TNS3: variants seen among roughly 807,000 people sequenced by gnomAD.
The protein encoded by TNS3 is tensin-3.
A neutral mutation model predicts 140.9 loss-of-function variants in TNS3; 45 were observed. The observed-to-expected ratio is 0.32, with a 90% CI of 0.25 to 0.41. The LOEUF is 0.41. Among genes scored for constraint, TNS3 ranks in the 10% least tolerant of loss-of-function variants. TNS3 has a pLI of 1.00. For synonymous variants in TNS3, 815 were observed against 788.4 expected, an observed-to-expected ratio of 1.03 and a Z score of -0.56; for missense variants, 1,716 against 1,906.7, an observed-to-expected ratio of 0.90 and a Z score of 1.86.
At chr7:47,428,657 A>T (rs1308921015) in intron 8 of TNS3, among the ~76,000 whole-genome samples, 1 of 152,204 alleles carries the variant, frequency 6.6e-6, no homozygotes. Flanking sequence ...GCTGCCTGTC[A>T]TTTTACCCAA....
chr7:47,486,017 A>AGT (rs1360925185), intron 3 of TNS3, among the ~76,000 whole-genome samples: 1 of 140,920 alleles, frequency 7.1e-6, no homozygotes, highest in Non-Finnish European at 1.6e-5. Flanking sequence ...TGTGGAGGTG[A>AGT]GTGTGTGTGG....
intron 11 of TNS3, among the ~76,000 whole-genome samples, chr7:47,414,628 GC>G (rs934380190): frequency 6.6e-6 from 1 of 152,212 alleles, no homozygotes; most frequent in African/African-American, 2.4e-5. Flanking sequence ...AGGGCTCAGG[GC>G]CCTCACCCTC....
chr7:47,396,982 G>T, intron 15 of TNS3, 78 bp from the exon 16 acceptor site: 2 of 1,059,840 alleles, frequency 1.9e-6, no homozygotes. Context: ...CATAAGGACA[G>T]GTGAGCAGCC....
chr7:47,346,023 G>C (rs1216142571), intron 18 of TNS3, among the ~76,000 whole-genome samples, 164 bp downstream of exon 18: 1 of 152,228 alleles, frequency 6.6e-6, no homozygotes, highest in Non-Finnish European at 1.5e-5. Flanking sequence ...CAGGTACAGA[G>C]GAGCCACGAC....
chr7:47,400,540 C>G, intron 14 of TNS3, 82 bp from the exon 15 acceptor site: 1 of 1,427,310 alleles, frequency 7.0e-7, no homozygotes, highest in Non-Finnish European at 9.8e-7. Flanking sequence ...TTTATTCCAA[C>G]CAGTACAGCA....
chr7:47,449,291 C>CG (rs1198560424), intron 4 of TNS3, among the ~76,000 whole-genome samples: 8 of 152,190 alleles, frequency 5.3e-5, no homozygotes, highest in Non-Finnish European at 1.2e-4. Flanking sequence ...CCTTCACTGA[C>CG]GTCCCATTGC....
In TNS3 at chr7:47,276,212, C is replaced by T. The variant is rs910278651; in HGVS notation, c.*1864G>A. ...GCAAGTTAGAGAAGGAGGTCCACAA[C>T]GACCAAGGCAAACATTTGGCACAGA... On this transcript the variant is annotated 3_prime_UTR_variant, in exon 31 of 31. Coordinates refer to ENST00000311160, the MANE Select transcript of TNS3 (RefSeq NM_022748.12). The T allele has an allele frequency of 1.4e-4, 27 of 198,164 alleles. No homozygotes were observed. The highest frequency in any genetic ancestry group is 1.9e-4 in the South Asian group (2 of 10,522). 12.3% of individuals were successfully genotyped at this position (198,164 alleles called of 1,614,324 possible).
chr7:47,460,915 G>C (rs931793070), intron 4 of TNS3, among the ~76,000 whole-genome samples: 1 of 152,218 alleles, frequency 6.6e-6, no homozygotes, highest in Non-Finnish European at 1.5e-5. Flanking sequence ...AGGAGGATGT[G>C]CTCTAAACCA....
At chr7:47,283,963 T>A (rs1364800824) in intron 27 of TNS3, 98 bp from the exon 28 acceptor site, 4 of 1,214,736 alleles carry the variant, frequency 3.3e-6, no homozygotes, top group Admixed American at 5.3e-5. Flanking sequence ...ACTGGGTTTA[T>A]GAACAACTTG....
intron 16 of TNS3, among the ~76,000 whole-genome samples, chr7:47,374,193 GGC>G (rs1260779697): frequency 2.0e-5 from 3 of 152,200 alleles, no homozygotes; most frequent in African/African-American, 7.2e-5. Context: ...AGGAAGCATG[GGC>G]CAGAGATCCA....
intron 2 of TNS3, among the ~76,000 whole-genome samples, chr7:47,515,767 G>A (rs917993393): frequency 5.3e-5 from 8 of 151,918 alleles, no homozygotes; most frequent in African/African-American, 1.7e-4. Flanking sequence ...ATCATTATCG[G>A]CATACCATTG....
intron 3 of TNS3, among the ~76,000 whole-genome samples, chr7:47,503,311 T>C (rs930991897): frequency 1.3e-5 from 2 of 152,098 alleles, no homozygotes. Flanking sequence ...TGCCTCCATC[T>C]GCTTGCCTAA....
intron 16 of TNS3, among the ~76,000 whole-genome samples, chr7:47,373,047 T>C (rs900827093): frequency 1.3e-5 from 2 of 152,136 alleles, no homozygotes; most frequent in Admixed American, 1.3e-4. Flanking sequence ...TCCGTGGTCT[T>C]CAGTGGGGGC....
chr7:47,481,024 A>C, intron 4 of TNS3, 79 bp downstream of exon 4: 1 of 1,177,126 alleles, frequency 8.5e-7, no homozygotes, highest in African/African-American at 1.6e-5. Context: ...AAAGATCCCC[A>C]AAGAGGGAGC....
chr7:47,524,807 TCAAGAAAAAAA>T (rs1201735148), intron 2 of TNS3, among the ~76,000 whole-genome samples: 1 of 18,252 alleles, frequency 5.5e-5, no homozygotes, highest in Non-Finnish European at 7.4e-5. Flanking sequence ...AGACTCCGTC[TCAAGAAAAAAA>T]AAAAAAAAAA....
chr7:47,306,147 T>G (rs1391947675), intron 20 of TNS3, among the ~76,000 whole-genome samples: 1 of 152,170 alleles, frequency 6.6e-6, no homozygotes, highest in Admixed American at 6.5e-5. Flanking sequence ...AAGAATACTC[T>G]GAAAGGAATT....
intron 4 of TNS3, among the ~76,000 whole-genome samples, chr7:47,472,951 C>G (rs564169097): frequency 6.6e-6 from 1 of 152,182 alleles, no homozygotes; most frequent in Non-Finnish European, 1.5e-5. Flanking sequence ...GAGAAACAGA[C>G]GGACTTACAG....
intron 20 of TNS3, among the ~76,000 whole-genome samples, chr7:47,335,078 T>C (rs1245898174): frequency 6.6e-6 from 1 of 152,242 alleles, no homozygotes; most frequent in Non-Finnish European, 1.5e-5. Flanking sequence ...CGACTCCCAT[T>C]GTTACATTTT....
At chr7:47,441,001 C>T (rs1795440018) in intron 5 of TNS3, among the ~76,000 whole-genome samples, 1 of 152,146 alleles carries the variant, frequency 6.6e-6, no homozygotes, top group Non-Finnish European at 1.5e-5. Context: ...ATCTCCTCCA[C>T]CACTTTGATT....
Sources: allele counts gnomAD v4.1 joint callset (sites outside exome capture counted in the v4.1 genomes callset), GRCh38; gene constraint gnomAD v4.1.1; transcripts MANE v1.5; gene names NCBI Gene and HGNC (gene_info 2026-07-23, HGNC 2026-07-21).